Variants in CORO2B observed in about 807,000 individuals in gnomAD.
The protein encoded by CORO2B is coronin 2B.
Under a neutral mutation model 58.8 loss-of-function variants are expected in CORO2B, and 26 were observed. The observed-to-expected ratio is 0.44, with a 90% confidence interval of 0.32 to 0.61. The LOEUF (loss-of-function observed/expected upper bound fraction) is 0.61, where lower values mean the gene tolerates loss of function less well. CORO2B is among the 20% of genes least tolerant of loss of function. The probability of loss-of-function intolerance (pLI) is 0.04; values close to 1 mark genes in which losing one functional copy is unlikely to be tolerated. For synonymous variants in CORO2B, 242 were observed against 253.8 expected, an observed-to-expected ratio of 0.95 and a Z score of 0.44; for missense variants, 460 against 645.1, an observed-to-expected ratio of 0.71 and a Z score of 3.11.
the CORO2B span, among the ~76,000 whole-genome samples, chr15:68,546,854 A>G: frequency 6.6e-6 from 1 of 152,116 alleles, no homozygotes; most frequent in Non-Finnish European, 1.5e-5. Flanking sequence ...AGAGGAGGGA[A>G]TACTCCTCTA....
Position 68,719,852 on chromosome 15 carries a change from A to G in CORO2B, c.1311+300A>G, listed in dbSNP as rs116524233. ...GCTGTCATTTGGAGTTCCAGGAGTT[A>G]TAAATTCCTGACTAACAGGGGCAAG... On this transcript the variant is annotated intron_variant, in intron 11 of 11. Coordinates refer to ENST00000261861, the MANE Select transcript of CORO2B (RefSeq NM_006091.5). Among the ~76,000 whole-genome samples the G allele has an allele frequency of 2.9e-3, 447 of 152,342 alleles. 3 individuals carry two copies. The highest frequency in any genetic ancestry group is 0.01 in the African/African-American group (425 of 41,582).
At chr15:68,641,225 G>A (rs778537194) in intron 1 of CORO2B, among the ~76,000 whole-genome samples, 5 of 152,200 alleles carry the variant, frequency 3.3e-5, no homozygotes, top group South Asian at 2.1e-4. Context: ...CGGGGAACAC[G>A]CTGAGTGGGA....
intron 1 of CORO2B, among the ~76,000 whole-genome samples, chr15:68,643,768 T>A (rs1323315984): frequency 1.3e-5 from 2 of 152,192 alleles, no homozygotes; most frequent in Non-Finnish European, 2.9e-5. Context: ...GGCGGCACCG[T>A]GGCTCACACC....
At chr15:68,561,499 G>T in the CORO2B span, among the ~76,000 whole-genome samples, 1 of 152,154 alleles carries the variant, frequency 6.6e-6, no homozygotes, top group African/African-American at 2.4e-5. Flanking sequence ...GACAGGTAGA[G>T]GGTCCCCGGT....
the CORO2B span, among the ~76,000 whole-genome samples, chr15:68,525,375 A>G: frequency 6.6e-6 from 1 of 152,208 alleles, no homozygotes; most frequent in Non-Finnish European, 1.5e-5. Context: ...AGGACTACAG[A>G]TGTTTTGAAG....
At chr15:68,570,218 A>G in the CORO2B span, among the ~76,000 whole-genome samples, 1 of 152,230 alleles carries the variant, frequency 6.6e-6, no homozygotes, top group Non-Finnish European at 1.5e-5. Context: ...ACTGCATGTA[A>G]GTCATATAGC....
In CORO2B at chr15:68,645,957, A is replaced by G. The variant is rs1901414684; in HGVS notation, c.216+597A>G. On this transcript the variant is annotated intron_variant, in intron 2 of 11. Coordinates refer to ENST00000261861, the MANE Select transcript of CORO2B (RefSeq NM_006091.5). The surrounding 1 kb of genome is among the most constrained non-coding windows in gnomAD (Gnocchi z 4.5). ...CCCAGCTAATTTTTGTATTTTCAGT[A>G]GAGATGGGGTTTCACCATGTTGGTC... Among the ~76,000 whole-genome samples the G allele has an allele frequency of 6.6e-6, 1 of 151,900 alleles. No individual in the cohort carries two copies. The highest frequency in any genetic ancestry group is 1.9e-4 in the East Asian group (1 of 5,174).
rs370206433 is a variant in CORO2B, at chr15:68,580,827, CCT to C, written c.15+1551_15+1552del. 8.4e-4 allele frequency among the ~76,000 whole-genome samples: 128 copies of C among 152,178 alleles called. No homozygotes were observed. The East Asian group carries it at 0.016, about 20-fold the overall frequency. On this transcript the variant is annotated intron_variant, in intron 1 of 11. Transcript: ENST00000261861. ...CGCTGAGGATTAACTCAGCGCCTCCCCTGTGTCTCTTTTTGTGCGCGAGCTCA... is the reference window on the plus strand; with the variant it reads ...CGCTGAGGATTAACTCAGCGCCTCCCGTGTCTCTTTTTGTGCGCGAGCTCA...
chr15:68,620,653 C>G (rs1257058134), intron 1 of CORO2B, among the ~76,000 whole-genome samples: 3 of 152,170 alleles, frequency 2.0e-5, no homozygotes, highest in Non-Finnish European at 4.4e-5. Flanking sequence ...CTGTTTTATT[C>G]TCTCATTCCT....
At chr15:68,597,305 G>A (rs1389342583) in intron 1 of CORO2B, among the ~76,000 whole-genome samples, 2 of 152,172 alleles carry the variant, frequency 1.3e-5, no homozygotes, top group Admixed American at 1.3e-4. Flanking sequence ...AAATACTAAC[G>A]AGTAGGACAG....
At chr15:68,678,770 A>G (rs887909597) in intron 2 of CORO2B, among the ~76,000 whole-genome samples, 2 of 152,282 alleles carry the variant, frequency 1.3e-5, no homozygotes, top group East Asian at 1.9e-4. Context: ...TGCCCACACC[A>G]TGTCCCCTGG....
intron 3 of CORO2B, among the ~76,000 whole-genome samples, chr15:68,703,081 A>C (rs550472542): frequency 0.026 from 3,875 of 147,576 alleles, 157 homozygotes; most frequent in African/African-American, 0.089. Flanking sequence ...CCCGCCTCGC[A>C]TCCCAAAGTG....
intron 1 of CORO2B, among the ~76,000 whole-genome samples, chr15:68,633,613 G>C (rs983196999): frequency 1.3e-5 from 2 of 152,008 alleles, no homozygotes; most frequent in Non-Finnish European, 2.9e-5. Context: ...CTCTGTGCAT[G>C]AGGCCTGGTA....
chr15:68,667,023 G>A (rs992098416), intron 2 of CORO2B, among the ~76,000 whole-genome samples: 6 of 152,028 alleles, frequency 3.9e-5, no homozygotes, highest in African/African-American at 7.2e-5. Flanking sequence ...GAGCAAAGAA[G>A]ACCCTCGACA....
chr15:68,567,862 A>G, the CORO2B span, among the ~76,000 whole-genome samples: 1 of 152,090 alleles, frequency 6.6e-6, no homozygotes, highest in African/African-American at 2.4e-5. Flanking sequence ...TCTACTAAAA[A>G]TATAAAAATT....
At chr15:68,714,734 G>A (rs1052612636) in intron 7 of CORO2B, 71 bp downstream of exon 7, 4 of 1,175,276 alleles carry the variant, frequency 3.4e-6, no homozygotes, top group African/African-American at 1.5e-5. Context: ...CCCTGCACCT[G>A]CCCCACCCCC....
At chr15:68,616,571 T>C (rs541199778) in intron 1 of CORO2B, 1 of 985,474 alleles carries the variant, frequency 1.0e-6, no homozygotes, top group East Asian at 1.1e-4. Context: ...CCGTGGGCCA[T>C]TGTGCAAGTC....
At chr15:68,697,769 C>A (rs1185485397) in intron 3 of CORO2B, among the ~76,000 whole-genome samples, 1 of 152,186 alleles carries the variant, frequency 6.6e-6, no homozygotes, top group Non-Finnish European at 1.5e-5. Flanking sequence ...AGAGAGTTCA[C>A]CGGTTGCTTC....
intron 1 of CORO2B, among the ~76,000 whole-genome samples, chr15:68,604,214 GCATA>G (rs1282216350): frequency 6.6e-6 from 1 of 152,062 alleles, no homozygotes; most frequent in Non-Finnish European, 1.5e-5. Context: ...TTCCCTTGAC[GCATA>G]CTCCAGGGCT....
Sources: gnomAD v4.1 joint callset for allele counts (sites outside exome capture counted in the v4.1 genomes callset) on GRCh38, gnomAD v4.1.1 for gene constraint, Gnocchi (gnomAD v3.1) non-coding constraint, MANE v1.5 for transcripts, NCBI Gene and HGNC (gene_info 2026-07-23, HGNC 2026-07-21) for gene names.